The following NCKAP5 variants were observed in gnomAD, a reference collection of about 807,000 sequenced individuals.
NCKAP5 encodes NCK associated protein 5.
Under a neutral mutation model 167.0 loss-of-function variants are expected in NCKAP5, and 92 were observed. The observed-to-expected ratio is 0.55, with a 90% CI of 0.47 to 0.66. The LOEUF is 0.66. Ranked by LOEUF, NCKAP5 falls within the 30% of genes least tolerant of loss-of-function variation. The pLI is 0.00. For synonymous variants in NCKAP5, 891 were observed against 877.4 expected (o/e 1.02, Z -0.27); for missense variants, 2,378 against 2,315.0 (o/e 1.03, Z -0.56).
chr2:133,504,863 TC>T (rs1375308893), intron 3 of NCKAP5, among the ~76,000 whole-genome samples: 4 of 152,070 alleles, frequency 2.6e-5, no homozygotes, highest in Non-Finnish European at 4.4e-5. Flanking sequence ...GAGTCTTTTT[TC>T]CCCCTATCGG....
chr2:132,784,279 G>C lies in NCKAP5; in HGVS notation c.2532C>G (p.Leu844=). The C allele has an allele frequency of 6.2e-7, 1 of 1,612,892 alleles. No homozygotes were observed. Among genetic ancestry groups the C allele is most frequent in the Non-Finnish European group, 8.5e-7 (1 of 1,179,590 alleles). The change falls in exon 14 of 20, where the codon CTC becomes CTG. Residue 844 remains leucine, a synonymous_variant. Coordinates refer to ENST00000409261, the MANE Select transcript of NCKAP5 (RefSeq NM_207363.3). The part of the protein sequence containing the change: ...EKSPALAPGK[L]SRFMKTESSG... ...AGCTCTCAGTCTTCATGAATCGTGA[G>C]AGTTTCCCAGGAGCTAAGGCTGGTG...
intron 3 of NCKAP5, among the ~76,000 whole-genome samples, chr2:133,321,970 C>G (rs1271217134): frequency 6.6e-6 from 1 of 152,164 alleles, no homozygotes; most frequent in Non-Finnish European, 1.5e-5. Flanking sequence ...TTAGGTAAAA[C>G]TTAATAGTCA....
At chr2:133,199,490 A>G (rs896936954) in intron 5 of NCKAP5, among the ~76,000 whole-genome samples, 1 of 152,092 alleles carries the variant, frequency 6.6e-6, no homozygotes, top group African/African-American at 2.4e-5. Context: ...AACATCTTTT[A>G]TCATCAAGGT....
intron 19 of NCKAP5, among the ~76,000 whole-genome samples, chr2:132,705,105 C>T (rs1485131562): frequency 6.6e-6 from 1 of 152,142 alleles, no homozygotes; most frequent in African/African-American, 2.4e-5. Flanking sequence ...ACAGCATCTG[C>T]CCATAAGTTG....
chr2:133,491,866 A>G (rs1350074293), intron 3 of NCKAP5, among the ~76,000 whole-genome samples: 1 of 152,180 alleles, frequency 6.6e-6, no homozygotes, highest in Non-Finnish European at 1.5e-5. Flanking sequence ...TAGGTCTGTA[A>G]TTTGTTTATT....
intron 4 of NCKAP5, 127 bp from the exon 5 acceptor site, chr2:133,213,906 T>A: frequency 1.3e-6 from 1 of 756,458 alleles, no homozygotes; most frequent in East Asian, 2.7e-5. Flanking sequence ...CTTCCTCCTC[T>A]ATACTTTCTA....
chr2:133,569,321 CA>C (rs1310642784), upstream of NCKAP5, among the ~76,000 whole-genome samples: 1 of 152,174 alleles, frequency 6.6e-6, no homozygotes, highest in African/African-American at 2.4e-5. Flanking sequence ...ACAGATCCAA[CA>C]CCTAGTCTCT....
chr2:133,413,040 G>A (rs1688871434), intron 3 of NCKAP5, among the ~76,000 whole-genome samples: 1 of 152,202 alleles, frequency 6.6e-6, no homozygotes. Flanking sequence ...ATGGGCCAAA[G>A]CCTGCAGGTC....
At chr2:133,410,569 C>G (rs1035021078) in intron 3 of NCKAP5, among the ~76,000 whole-genome samples, 1 of 152,154 alleles carries the variant, frequency 6.6e-6, no homozygotes, top group African/African-American at 2.4e-5. Context: ...ATATTAAAAC[C>G]TACCTCCATT....
chr2:133,095,342 G>A (rs1034154497), intron 6 of NCKAP5, among the ~76,000 whole-genome samples: 4 of 152,168 alleles, frequency 2.6e-5, no homozygotes, highest in African/African-American at 9.7e-5. Flanking sequence ...CCCCATCACT[G>A]TGCAAACCAG....
intron 6 of NCKAP5, chr2:133,123,432 A>G (rs2082310520): frequency 5.2e-6 from 1 of 192,252 alleles, no homozygotes. Context: ...AAAAGAGGTC[A>G]TTTAAAATCT....
intron 9 of NCKAP5, among the ~76,000 whole-genome samples, chr2:132,876,921 A>T (rs72850140): frequency 3.0e-3 from 463 of 152,332 alleles, no homozygotes; most frequent in Non-Finnish European, 5.4e-3. Flanking sequence ...GTTTTGATTG[A>T]CAGGGAGGGT....
intron 5 of NCKAP5, among the ~76,000 whole-genome samples, chr2:133,141,736 A>C (rs1304512286): frequency 1.5e-4 from 23 of 152,228 alleles, no homozygotes. Flanking sequence ...TTCTTTAAAC[A>C]AGAATATTTC....
chr2:133,103,428 C>A (rs1430513673), intron 6 of NCKAP5, among the ~76,000 whole-genome samples: 1 of 152,026 alleles, frequency 6.6e-6, no homozygotes, highest in Non-Finnish European at 1.5e-5. Flanking sequence ...ACTCTCCAAC[C>A]CCTGAGAATT....
At chr2:133,210,088 C>T (rs556858765) in intron 5 of NCKAP5, among the ~76,000 whole-genome samples, 9 of 151,750 alleles carry the variant, frequency 5.9e-5, no homozygotes, top group Non-Finnish European at 1.2e-4. Context: ...TCGCTTCAAC[C>T]AAGGAGGCAG....
intron 5 of NCKAP5, among the ~76,000 whole-genome samples, chr2:133,172,648 T>TG (rs1482734246): frequency 2.6e-5 from 4 of 151,824 alleles, no homozygotes; most frequent in East Asian, 1.9e-4. Context: ...TCGTTTTTTT[T>TG]TTGTTGTTGT....
At chr2:132,741,805 G>A (rs912245085) in intron 16 of NCKAP5, among the ~76,000 whole-genome samples, 5 of 152,014 alleles carry the variant, frequency 3.3e-5, no homozygotes, top group Non-Finnish European at 7.4e-5. Flanking sequence ...TTTTCGCACT[G>A]TTATCCTTGC....
At chr2:132,989,520 T>G (rs1167869057) in intron 7 of NCKAP5, among the ~76,000 whole-genome samples, 1 of 152,184 alleles carries the variant, frequency 6.6e-6, no homozygotes, top group Non-Finnish European at 1.5e-5. Context: ...ATGAAATGAG[T>G]CTATCCTAGG....
At chr2:132,680,838 C>T (rs1293141674) in intron 19 of NCKAP5, among the ~76,000 whole-genome samples, 2 of 152,180 alleles carry the variant, frequency 1.3e-5, no homozygotes, top group Non-Finnish European at 2.9e-5. Context: ...ATAAGAAACA[C>T]ATTTGTGATT....
Sources: gnomAD v4.1 joint callset for allele counts (sites outside exome capture counted in the v4.1 genomes callset) on GRCh38, gnomAD v4.1.1 for gene constraint, MANE v1.5 for transcripts, NCBI Gene and HGNC (gene_info 2026-07-23, HGNC 2026-07-21) for gene names.